The following BRINP3 variants were observed in gnomAD, a reference collection of about 807,000 sequenced individuals.
BRINP3 encodes BMP/retinoic acid inducible neural specific 3, also known as BMP/retinoic acid-inducible neural-specific protein 3.
In BRINP3, 19 loss-of-function variants were observed where a neutral mutation model predicts 71.0. That is an observed-to-expected ratio of 0.27 (90% CI 0.19 to 0.39). BRINP3 has a LOEUF of 0.39. Ranked by LOEUF, BRINP3 falls within the 10% of genes least tolerant of loss-of-function variation. BRINP3 has a pLI of 1.00. For synonymous variants in BRINP3, 380 were observed against 337.7 expected (o/e 1.13, Z -1.37); for missense variants, 959 against 940.8 (o/e 1.02, Z -0.25).
chr1:190,336,551 C>T (rs979670838), intron 2 of BRINP3, among the ~76,000 whole-genome samples: 1 of 152,006 alleles, frequency 6.6e-6, no homozygotes, highest in South Asian at 2.1e-4. Context: ...AAACACCACA[C>T]ACCTCTAATG....
At chr1:190,220,241 A>G (rs2102681814) in intron 6 of BRINP3, among the ~76,000 whole-genome samples, 1 of 152,252 alleles carries the variant, frequency 6.6e-6, no homozygotes, top group East Asian at 1.9e-4. Context: ...TGTCCTTTAC[A>G]GGGACATGGG....
intron 1 of BRINP3, among the ~76,000 whole-genome samples, chr1:190,457,580 T>A (rs1228746889): frequency 6.6e-6 from 1 of 152,186 alleles, no homozygotes; most frequent in Non-Finnish European, 1.5e-5. Flanking sequence ...ACCTCATCAG[T>A]CTATTATAAA....
intron 2 of BRINP3, among the ~76,000 whole-genome samples, chr1:190,360,205 T>C (rs991804257): frequency 6.6e-6 from 1 of 152,214 alleles, no homozygotes; most frequent in African/African-American, 2.4e-5. Context: ...TTCTAAAGTG[T>C]TGTCCTTCAA....
At chr1:190,158,571 C>T (rs1185110069) in intron 7 of BRINP3, among the ~76,000 whole-genome samples, 1 of 151,726 alleles carries the variant, frequency 6.6e-6, no homozygotes, top group Admixed American at 6.6e-5. Context: ...TGCAATATAC[C>T]TATAAAACAA....
chr1:190,470,284 T>C (rs1677045204), intron 1 of BRINP3, among the ~76,000 whole-genome samples: 1 of 151,074 alleles, frequency 6.6e-6, no homozygotes, highest in Admixed American at 6.6e-5. Flanking sequence ...AATAAATCTA[T>C]AATGGAATAT....
chr1:190,421,312 TATTA>T lies in BRINP3; in HGVS notation c.236+33339_236+33342del, dbSNP rs1203445195. On this transcript the variant is annotated intron_variant, in intron 2 of 7. Transcript: ENST00000367462. ...TTCTCATTATTATTATTATTATTAT[TATTA>T]TTATTATTATTGCCAGTTGAGGTAG... 2.8e-3 allele frequency among the ~76,000 whole-genome samples: 324 copies of T among 114,522 alleles called. 2 individuals are homozygous for T. The highest frequency in any genetic ancestry group is 8.1e-3 in the African/African-American group (298 of 36,648). 75.1% of individuals were successfully genotyped at this position (114,522 alleles called of 152,430 possible). A position where few individuals can be genotyped will look rare whatever the true frequency, so the allele number is the denominator to read the frequency against.
intron 2 of BRINP3, among the ~76,000 whole-genome samples, chr1:190,431,466 C>T (rs1674095697): frequency 2.0e-5 from 3 of 152,112 alleles, no homozygotes; most frequent in Admixed American, 2.0e-4. Flanking sequence ...AAGCTGTTCT[C>T]CTGCCTCATC....
intron 1 of BRINP3, among the ~76,000 whole-genome samples, chr1:190,472,535 A>G (rs1352023601): frequency 6.6e-6 from 1 of 151,762 alleles, no homozygotes; most frequent in Non-Finnish European, 1.5e-5. Flanking sequence ...GAACTCTTTT[A>G]ATATTAATAT....
chr1:190,416,511 C>A lies in BRINP3; in HGVS notation c.236+38144G>T, dbSNP rs1004470461. On this transcript the variant is annotated intron_variant, in intron 2 of 7. Transcript: ENST00000367462. ...GAACTTCAGCGGTTAAACTACACTT[C>A]AAAAACAGAAATAGAACATAGACTC... 2.0e-5 allele frequency among the ~76,000 whole-genome samples: 3 copies of A among 152,094 alleles called. No individual in the cohort carries two copies. In the South Asian group the frequency reaches 6.2e-4, roughly 31 times the overall value.
chr1:190,332,344 C>A (rs563162516), intron 2 of BRINP3, among the ~76,000 whole-genome samples: 1 of 151,976 alleles, frequency 6.6e-6, no homozygotes, highest in Non-Finnish European at 1.5e-5. Flanking sequence ...GGGCTGTTGC[C>A]GAAGAACTCA....
chr1:190,213,801 G>C (rs1181395105), intron 6 of BRINP3, among the ~76,000 whole-genome samples: 1 of 151,954 alleles, frequency 6.6e-6, no homozygotes, highest in African/African-American at 2.4e-5. Flanking sequence ...AACAGCAAAT[G>C]GGGGAACATA....
intron 6 of BRINP3, among the ~76,000 whole-genome samples, chr1:190,220,500 C>T (rs763993150): frequency 1.3e-5 from 2 of 151,990 alleles, no homozygotes; most frequent in Non-Finnish European, 2.9e-5. Context: ...TGTAACAAAA[C>T]TGCACGTTCT....
intron 1 of BRINP3, among the ~76,000 whole-genome samples, chr1:190,469,603 C>T (rs1201781290): frequency 6.6e-6 from 1 of 150,812 alleles, no homozygotes; most frequent in Non-Finnish European, 1.5e-5. Flanking sequence ...TGTGTATATA[C>T]ATTTACAGGG....
intron 3 of BRINP3, among the ~76,000 whole-genome samples, chr1:190,276,713 A>G (rs1039424212): frequency 1.3e-5 from 2 of 151,378 alleles, no homozygotes. Flanking sequence ...TTAAATCACT[A>G]TTGTATGAAG....
chr1:190,471,119 T>C (rs1677109677), intron 1 of BRINP3, among the ~76,000 whole-genome samples: 1 of 151,194 alleles, frequency 6.6e-6, no homozygotes, highest in Non-Finnish European at 1.5e-5. Context: ...TTTGAAAAGA[T>C]AGGGGCAGAA....
intron 7 of BRINP3, among the ~76,000 whole-genome samples, chr1:190,159,680 T>C (rs1657176030): frequency 6.6e-6 from 1 of 152,002 alleles, no homozygotes; most frequent in Non-Finnish European, 1.5e-5. Context: ...GAAACAGCCT[T>C]GGACTGGGTG....
At chr1:190,412,466 GTTTT>G (rs1216884351) in intron 2 of BRINP3, among the ~76,000 whole-genome samples, 76 of 105,984 alleles carry the variant, frequency 7.2e-4, no homozygotes, top group Non-Finnish European at 9.6e-4. Context: ...GTTTTTTTTT[GTTTT>G]TTTTTTTTTT....
chr1:190,413,422 C>A (rs1268619431), intron 2 of BRINP3, among the ~76,000 whole-genome samples: 1 of 152,132 alleles, frequency 6.6e-6, no homozygotes, highest in East Asian at 1.9e-4. Context: ...GAAAAAGTGT[C>A]TTTGCAGATA....
intron 2 of BRINP3, among the ~76,000 whole-genome samples, chr1:190,375,948 T>C (rs906872906): frequency 6.6e-6 from 1 of 151,962 alleles, no homozygotes; most frequent in Non-Finnish European, 1.5e-5. Flanking sequence ...ATCTCCATCA[T>C]AATAAAAATT....
Sources: gnomAD v4.1 joint callset for allele counts (sites outside exome capture counted in the v4.1 genomes callset) on GRCh38, gnomAD v4.1.1 for gene constraint, MANE v1.5 for transcripts, NCBI Gene and HGNC (gene_info 2026-07-23, HGNC 2026-07-21) for gene names.